NUDCD1: variants seen among roughly 807,000 people sequenced by gnomAD.
NUDCD1 encodes the protein NudC domain containing 1.
A neutral mutation model predicts 67.8 loss-of-function variants in NUDCD1; 60 were observed. The observed-to-expected ratio is 0.88, with a 90% CI of 0.72 to 1.10. The LOEUF (loss-of-function observed/expected upper bound fraction) is 1.10. NUDCD1 is among the 50% of genes least tolerant of loss of function. The pLI, the probability that NUDCD1 is intolerant of heterozygous loss-of-function variation, is 0.00. For synonymous variants in NUDCD1, 244 were observed against 230.8 expected, an observed-to-expected ratio of 1.06 and a Z score of -0.52; for missense variants, 643 against 695.0, an observed-to-expected ratio of 0.93 and a Z score of 0.84.
At chr8:109,273,853 C>CA (rs1371650570) in intron 7 of NUDCD1, among the ~76,000 whole-genome samples, 1 of 151,932 alleles carries the variant, frequency 6.6e-6, no homozygotes, top group Non-Finnish European at 1.5e-5. Flanking sequence ...AAAAAGATGG[C>CA]AAAAAACAAA....
Position 109,311,559 on chromosome 8 carries a change from G to GTGTATATATATATATATA in NUDCD1, c.273+10749_273+10750insTATATATATATATATACA. Among the ~76,000 whole-genome samples, 707 of 125,130 alleles carry GTGTATATATATATATATA rather than the reference G, an allele frequency of 5.7e-3. 83 individuals are homozygous for GTGTATATATATATATATA. The highest frequency in any genetic ancestry group is 0.023 in the African/African-American group (654 of 28,736). 82.1% of individuals were successfully genotyped at this position (125,130 alleles called of 152,430 possible). Reference sequence around the variant, plus strand: ...AATGAGTGGATAAAGAAACTGTGGTGTATATATATATATGATGGGATACTG... The same window carrying GTGTATATATATATATATA: ...AATGAGTGGATAAAGAAACTGTGGTGTGTATATATATATATATATATATATATATATGATGGGATACTG... On this transcript the variant is annotated intron_variant, in intron 2 of 9. Coordinates refer to ENST00000239690, the MANE Select transcript of NUDCD1 (RefSeq NM_032869.4).
chr8:109,260,863 T>A (rs1813849892), intron 8 of NUDCD1, among the ~76,000 whole-genome samples: 1 of 152,244 alleles, frequency 6.6e-6, no homozygotes, highest in Non-Finnish European at 1.5e-5. Context: ...TTTATTTACA[T>A]GCTTGTTCCC....
intron 5 of NUDCD1, among the ~76,000 whole-genome samples, chr8:109,284,204 T>C (rs1446544173): frequency 6.6e-6 from 1 of 151,990 alleles, no homozygotes; most frequent in Non-Finnish European, 1.5e-5. Flanking sequence ...GGGCATTACA[T>C]AATAATAAAG....
chr8:109,264,737 A>T (rs1285067498), intron 8 of NUDCD1, among the ~76,000 whole-genome samples: 2 of 152,162 alleles, frequency 1.3e-5, no homozygotes, highest in Non-Finnish European at 2.9e-5. Flanking sequence ...ATATATTTCA[A>T]CTACAGTATC....
chr8:109,313,672 T>C (rs929551538), intron 2 of NUDCD1: 52 of 382,954 alleles, frequency 1.4e-4, no homozygotes, highest in African/African-American at 8.4e-4. Context: ...GTCTACTACA[T>C]GGCCCCACAC....
chr8:109,289,183 G>A (rs1814644272), intron 5 of NUDCD1, among the ~76,000 whole-genome samples: 1 of 151,900 alleles, frequency 6.6e-6, no homozygotes, highest in South Asian at 2.1e-4. Context: ...CATCGTGTCA[G>A]CCAGGATGGT....
chr8:109,326,340 G>C (rs1815681790), intron 1 of NUDCD1, among the ~76,000 whole-genome samples: 1 of 152,126 alleles, frequency 6.6e-6, no homozygotes, highest in African/African-American at 2.4e-5. Flanking sequence ...AAATGAGAAA[G>C]GAAAAGTTAT....
chr8:109,242,423 A>C lies in NUDCD1; in HGVS notation c.*586T>G, dbSNP rs796547850. ...GCAGTGATGGATAATGTGAAATCTT[A>C]TCTCTCTTTGTCTATGTCTGTGGCA... On this transcript the variant is annotated 3_prime_UTR_variant, in exon 10 of 10. Coordinates refer to ENST00000239690, the MANE Select transcript of NUDCD1 (RefSeq NM_032869.4). 41 of 310,664 alleles carry C rather than the reference A, an allele frequency of 1.3e-4. No homozygotes were observed. The highest frequency in any genetic ancestry group is 6.0e-4 in the African/African-American group (28 of 46,812). 19.2% of individuals were successfully genotyped at this position (310,664 alleles called of 1,614,324 possible).
chr8:109,256,567 T>C (rs1168758180), intron 8 of NUDCD1, among the ~76,000 whole-genome samples: 1 of 152,134 alleles, frequency 6.6e-6, no homozygotes, highest in Non-Finnish European at 1.5e-5. Flanking sequence ...AAGCCTACTA[T>C]AGGGAGAACA....
At chr8:109,309,256 T>A (rs1198256627) in intron 2 of NUDCD1, among the ~76,000 whole-genome samples, 1 of 152,150 alleles carries the variant, frequency 6.6e-6, no homozygotes, top group Non-Finnish European at 1.5e-5. Context: ...AAAAAGATAA[T>A]CCACCATGAT....
intron 2 of NUDCD1, chr8:109,313,898 A>G (rs902819578): frequency 1.4e-6 from 1 of 716,792 alleles, no homozygotes; most frequent in Non-Finnish European, 2.1e-6. Flanking sequence ...TCTAAATGTG[A>G]AAACAAAATT....
chr8:109,310,090 T>C (rs111732799), intron 2 of NUDCD1, among the ~76,000 whole-genome samples: 14,896 of 152,050 alleles, frequency 0.098, 780 homozygotes, highest in Middle Eastern at 0.14. Context: ...CCCATCAAAA[T>C]ACCACCACCA....
intron 8 of NUDCD1, among the ~76,000 whole-genome samples, chr8:109,252,407 C>T (rs1472754994): frequency 6.6e-6 from 1 of 151,988 alleles, no homozygotes; most frequent in Non-Finnish European, 1.5e-5. Context: ...CCTTGGCAAG[C>T]TAAGATTTGA....
chr8:109,246,289 C>T (rs149107284), intron 8 of NUDCD1, among the ~76,000 whole-genome samples: 1,524 of 152,306 alleles, frequency 0.01, 15 homozygotes, highest in Non-Finnish European at 0.014. Context: ...TTTATGAGCA[C>T]ACTCTCATAA....
At chr8:109,327,470 A>G (rs193204803) in intron 1 of NUDCD1, among the ~76,000 whole-genome samples, 1 of 152,294 alleles carries the variant, frequency 6.6e-6, no homozygotes, top group East Asian at 1.9e-4. Flanking sequence ...AGTGACCACA[A>G]AGATCATTAG....
intron 1 of NUDCD1, among the ~76,000 whole-genome samples, chr8:109,325,044 C>A (rs916322615): frequency 2.6e-5 from 4 of 152,048 alleles, no homozygotes; most frequent in Admixed American, 2.6e-4. Flanking sequence ...GAGCCGAGAT[C>A]GCTCCACTGC....
In NUDCD1 at chr8:109,271,172, A is replaced by C. The variant is rs1445178100; in HGVS notation, c.1174-42T>G. ...AAATAAGTAAATAAGTAAAACAAAT[A>C]AACAAGGGAATGGGTTTCTTCATCT... On this transcript the variant is annotated intron_variant, in intron 7 of 9. Coordinates refer to ENST00000239690, the MANE Select transcript of NUDCD1 (RefSeq NM_032869.4). 11 of 1,364,978 alleles carry C rather than the reference A, an allele frequency of 8.1e-6. No individual in the cohort carries two copies. In the East Asian group the frequency reaches 2.3e-4, roughly 29 times the overall value. 84.6% of individuals were successfully genotyped at this position (1,364,978 alleles called of 1,614,324 possible). A position where few individuals can be genotyped will look rare whatever the true frequency, so the allele number is the denominator to read the frequency against.
At chr8:109,310,548 A>C (rs566699907) in intron 2 of NUDCD1, among the ~76,000 whole-genome samples, 1 of 152,374 alleles carries the variant, frequency 6.6e-6, no homozygotes, top group African/African-American at 2.4e-5. Flanking sequence ...CCTTCTAGAC[A>C]TTGGCTAAGG....
chr8:109,283,890 C>A (rs895066375), intron 5 of NUDCD1, among the ~76,000 whole-genome samples: 9 of 150,662 alleles, frequency 6.0e-5, no homozygotes, highest in Non-Finnish European at 1.3e-4. Context: ...CAATCAGTAA[C>A]AACTTCATGA....
Sources: allele counts gnomAD v4.1 joint callset (sites outside exome capture counted in the v4.1 genomes callset), GRCh38; gene constraint gnomAD v4.1.1; transcripts MANE v1.5; gene names NCBI Gene and HGNC (gene_info 2026-07-23, HGNC 2026-07-21).